Variants in ANKRD17 observed in about 807,000 individuals in gnomAD.
The protein encoded by ANKRD17 is ankyrin repeat domain 17, also known as ankyrin repeat domain-containing protein 17.
A neutral mutation model predicts 229.7 loss-of-function variants in ANKRD17; 19 were observed. The ratio of observed to expected loss-of-function variants is 0.08; its 90% CI spans 0.06 to 0.12. The LOEUF (loss-of-function observed/expected upper bound fraction) is 0.12. Ranked by LOEUF, ANKRD17 falls within the 10% of genes least tolerant of loss-of-function variation. ANKRD17 has a pLI of 1.00. For synonymous variants in ANKRD17, 1,112 were observed against 1,146.1 expected, an observed-to-expected ratio of 0.97 and a Z score of 0.60; for missense variants, 2,176 against 3,176.8, an observed-to-expected ratio of 0.68 and a Z score of 7.57.
intron 1 of ANKRD17, among the ~76,000 whole-genome samples, chr4:73,189,335 T>G (rs1295757340): frequency 6.6e-6 from 1 of 150,806 alleles, no homozygotes; most frequent in Non-Finnish European, 1.5e-5. Flanking sequence ...TGTTTCTCTG[T>G]CACAAATCTC....
At position 73,077,408 on chromosome 4, in the gene ANKRD17, CAGA is replaced by C; in HGVS notation, c.7531_7533del (p.Ser2511del). Reference sequence around the variant, plus strand: ...GCAGGAACATGCTGATGGAATGTACCAGAAGGAGTTACAATTCCTGTACTATCT... The same window carrying C: ...GCAGGAACATGCTGATGGAATGTACCAGGAGTTACAATTCCTGTACTATCT... On this transcript the variant is annotated inframe_deletion, in exon 32 of 34. Coordinates refer to ENST00000358602, the MANE Select transcript of ANKRD17 (RefSeq NM_032217.5). 1.2e-6 allele frequency: 2 copies of C among 1,613,642 alleles called. No individual in the cohort carries two copies. The highest frequency in any genetic ancestry group is 1.7e-6 in the Non-Finnish European group (2 of 1,179,850).
At position 73,161,211 on chromosome 4, in the gene ANKRD17, T is replaced by G. The variant is rs745597933; in HGVS notation, c.685A>C (p.Asn229His). 42 of 1,613,934 alleles carry G rather than the reference T, an allele frequency of 2.6e-5. No homozygotes were observed. The South Asian group carries it at 4.3e-4, about 16-fold the overall frequency. The change falls in exon 3 of 34, where the codon AAT (asparagine) becomes CAT (histidine). Residue 229 changes from asparagine to histidine, a missense_variant. Coordinates refer to ENST00000358602, the MANE Select transcript of ANKRD17 (RefSeq NM_032217.5). ...LTRMRAESTA[N>H]AGQSDNRSLA... ...ACTTACTTGTCCGACTGCCCTGCAT[T>G]TGCTGTGCTTTCAGCTCTCATACGG...
At chr4:73,240,718 A>G (rs1743943980) in intron 1 of ANKRD17, among the ~76,000 whole-genome samples, 1 of 152,138 alleles carries the variant, frequency 6.6e-6, no homozygotes, top group Non-Finnish European at 1.5e-5. Context: ...CACAGATGTT[A>G]GCTACTTAAC....
intron 24 of ANKRD17, chr4:73,113,081 C>T (rs1281956586): frequency 1.7e-6 from 2 of 1,176,776 alleles, no homozygotes; most frequent in East Asian, 6.1e-5. Flanking sequence ...AGCTACTGCG[C>T]CCAGCCACTG....
At chr4:73,180,188 G>A (rs1735362107) in intron 1 of ANKRD17, among the ~76,000 whole-genome samples, 1 of 152,078 alleles carries the variant, frequency 6.6e-6, no homozygotes, top group Non-Finnish European at 1.5e-5. Flanking sequence ...TGCTAAAGAT[G>A]TTCAAAGGAG....
At chr4:73,215,244 C>T (rs1740854731) in intron 1 of ANKRD17, among the ~76,000 whole-genome samples, 1 of 151,592 alleles carries the variant, frequency 6.6e-6, no homozygotes, top group South Asian at 2.1e-4. Flanking sequence ...TCTGAGAACA[C>T]TGATGCTGTT....
At chr4:73,135,969 T>C (rs1728843573) in intron 15 of ANKRD17, among the ~76,000 whole-genome samples, 1 of 152,192 alleles carries the variant, frequency 6.6e-6, no homozygotes. Flanking sequence ...TAGAAATAAA[T>C]GTATGCACAC....
At chr4:73,158,183 A>AGAAAGAAAGAAAGAAAGAAAGAAAGAAG (rs1244276099) in intron 3 of ANKRD17, among the ~76,000 whole-genome samples, 2 of 151,742 alleles carry the variant, frequency 1.3e-5, no homozygotes, top group Non-Finnish European at 2.9e-5. Context: ...AAAGAAAGAA[A>AGAAAGAAAGAAAGAAAGAAAGAAAGAAG]GAAAGAGAGA....
intron 1 of ANKRD17, among the ~76,000 whole-genome samples, chr4:73,201,017 A>G (rs905065761): frequency 6.7e-6 from 1 of 149,274 alleles, no homozygotes; most frequent in Non-Finnish European, 1.5e-5. Flanking sequence ...TAATCTCATC[A>G]CAATACTGCA....
chr4:73,125,128 G>A (rs1727263873), intron 17 of ANKRD17, 70 bp from the exon 18 acceptor site: 4 of 1,589,588 alleles, frequency 2.5e-6, no homozygotes, highest in South Asian at 2.3e-5. Context: ...CTTCAAAATA[G>A]GACTAAAAAA....
At chr4:73,189,587 A>C (rs1736775224) in intron 1 of ANKRD17, among the ~76,000 whole-genome samples, 1 of 151,940 alleles carries the variant, frequency 6.6e-6, no homozygotes, top group Non-Finnish European at 1.5e-5. Flanking sequence ...CAGCCACCCA[A>C]AGTGCTGGCA....
intron 18 of ANKRD17, among the ~76,000 whole-genome samples, chr4:73,124,487 C>G (rs867053813): frequency 6.6e-6 from 1 of 152,048 alleles, no homozygotes; most frequent in Non-Finnish European, 1.5e-5. Context: ...AAAATCAAAG[C>G]AAGACAAGAG....
chr4:73,157,811 C>T (rs566383182), intron 3 of ANKRD17, among the ~76,000 whole-genome samples: 14 of 152,220 alleles, frequency 9.2e-5, no homozygotes, highest in South Asian at 2.1e-4. Flanking sequence ...ACACGTCCGC[C>T]GGGCACAGTG....
chr4:73,249,855 C>CA (rs980553925), intron 1 of ANKRD17, among the ~76,000 whole-genome samples: 7 of 151,228 alleles, frequency 4.6e-5, no homozygotes, highest in South Asian at 2.1e-4. Context: ...GACTTCGTCT[C>CA]AAAAAAAATA....
intron 24 of ANKRD17, among the ~76,000 whole-genome samples, chr4:73,111,979 T>A (rs1181546895): frequency 6.6e-6 from 1 of 152,158 alleles, no homozygotes; most frequent in South Asian, 2.1e-4. Flanking sequence ...AGCAGAAAAG[T>A]GCTTGTGAAG....
At position 73,073,401 on chromosome 4, in the gene ANKRD17, C is replaced by A. The variant is rs1720833850; in HGVS notation, c.*2830G>T. 6.6e-6 allele frequency: 1 copy of A among 152,018 alleles called. No homozygotes were observed. The highest frequency in any genetic ancestry group is 1.5e-5 in the Non-Finnish European group (1 of 67,930). 9.4% of individuals were successfully genotyped at this position (152,018 alleles called of 1,614,324 possible). A position where few individuals can be genotyped will look rare whatever the true frequency, so the allele number is the denominator to read the frequency against. ...TCAACATGAAAATAGATTTAATAAACTAGAGGATCTGAAGAGATTTTATAA... is the reference window on the plus strand; with the variant it reads ...TCAACATGAAAATAGATTTAATAAAATAGAGGATCTGAAGAGATTTTATAA... On this transcript the variant is annotated 3_prime_UTR_variant, in exon 34 of 34. Coordinates refer to ENST00000358602, the MANE Select transcript of ANKRD17 (RefSeq NM_032217.5).
At chr4:73,126,943 T>C (rs936228269) in intron 16 of ANKRD17, among the ~76,000 whole-genome samples, 3 of 152,168 alleles carry the variant, frequency 2.0e-5, no homozygotes, top group Admixed American at 6.5e-5. Flanking sequence ...TATTAGCATT[T>C]GAAATATGGT....
intron 2 of ANKRD17, among the ~76,000 whole-genome samples, chr4:73,174,590 AG>A (rs1358663565): frequency 3.9e-5 from 6 of 152,238 alleles, no homozygotes; most frequent in African/African-American, 1.4e-4. Flanking sequence ...CAGAGCAATC[AG>A]ACAAGAGAAA....
chr4:73,189,403 G>GT (rs763345325), intron 1 of ANKRD17, among the ~76,000 whole-genome samples: 64,858 of 112,336 alleles, frequency 0.58, 23,139 homozygotes, highest in Non-Finnish European at 0.72. Flanking sequence ...TGCCTGGAAT[G>GT]TTTTTTTTTT....
Sources: allele counts gnomAD v4.1 joint callset (sites outside exome capture counted in the v4.1 genomes callset), GRCh38; gene constraint gnomAD v4.1.1; transcripts MANE v1.5; gene names NCBI Gene and HGNC (gene_info 2026-07-23, HGNC 2026-07-21).